Variants in SPAG17 observed in about 807,000 individuals in gnomAD.
The protein encoded by SPAG17 is sperm associated antigen 17.
Under a neutral mutation model 273.6 loss-of-function variants are expected in SPAG17, and 169 were observed. The ratio of observed to expected loss-of-function variants is 0.62; its 90% CI spans 0.55 to 0.70. The LOEUF is 0.70. Ranked by LOEUF, SPAG17 falls within the 30% of genes least tolerant of loss-of-function variation. SPAG17 has a pLI of 0.00. For synonymous variants in SPAG17, 825 were observed against 873.2 expected (o/e 0.94, Z 0.97); for missense variants, 2,557 against 2,627.8 (o/e 0.97, Z 0.59).
At chr1:117,954,131 A>G (rs1651812802) in intron 48 of SPAG17, 82 bp from the exon 49 acceptor site, 2 of 1,555,320 alleles carry the variant, frequency 1.3e-6, no homozygotes, top group African/African-American at 2.8e-5. Flanking sequence ...TTACAGTATC[A>G]ATAAAGGGAA....
At chr1:118,161,318 C>T (rs1659899087) in intron 1 of SPAG17, among the ~76,000 whole-genome samples, 1 of 152,092 alleles carries the variant, frequency 6.6e-6, no homozygotes, top group African/African-American at 2.4e-5. Context: ...AAGTAAAAGG[C>T]AGTGGAGACC....
intron 25 of SPAG17, among the ~76,000 whole-genome samples, chr1:118,029,404 C>T (rs1648164059): frequency 6.6e-6 from 1 of 151,986 alleles, no homozygotes. Context: ...CAAACTAATA[C>T]AGAAAAAGTG....
chr1:118,183,604 G>A (rs1042559251), intron 1 of SPAG17, among the ~76,000 whole-genome samples: 20 of 152,122 alleles, frequency 1.3e-4, no homozygotes, highest in African/African-American at 4.1e-4. Flanking sequence ...TGTTTGAGTA[G>A]GATCAAGAAA....
intron 48 of SPAG17, chr1:117,963,090 A>G (rs796686219): frequency 7.9e-5 from 12 of 152,342 alleles, no homozygotes; most frequent in African/African-American, 2.9e-4. Context: ...GGATCCAAGC[A>G]GCCCTGGTAT....
chr1:118,104,672 A>G (rs1287674010), intron 4 of SPAG17, among the ~76,000 whole-genome samples: 2 of 152,224 alleles, frequency 1.3e-5, no homozygotes, highest in Non-Finnish European at 2.9e-5. Flanking sequence ...AGATAGGGAA[A>G]AATATATAGT....
At chr1:118,061,105 G>A (rs1054219569) in intron 18 of SPAG17, among the ~76,000 whole-genome samples, 7 of 152,156 alleles carry the variant, frequency 4.6e-5, no homozygotes, top group African/African-American at 1.7e-4. Flanking sequence ...TGGTTGGTAG[G>A]AATGTAGAAA....
intron 10 of SPAG17, among the ~76,000 whole-genome samples, chr1:118,090,021 C>T (rs571130626): frequency 1.3e-5 from 2 of 152,230 alleles, no homozygotes; most frequent in South Asian, 4.2e-4. Flanking sequence ...TCCAGCCATG[C>T]GGAACTGTGA....
intron 18 of SPAG17, among the ~76,000 whole-genome samples, chr1:118,059,134 C>G (rs1408468708): frequency 1.3e-5 from 2 of 152,230 alleles, no homozygotes; most frequent in African/African-American, 2.4e-5. Flanking sequence ...ATTAACAAAT[C>G]TAAATAGAGG....
At chr1:118,124,385 G>A (rs1558029761) in intron 3 of SPAG17, among the ~76,000 whole-genome samples, 2 of 152,122 alleles carry the variant, frequency 1.3e-5, no homozygotes, top group East Asian at 3.9e-4. Flanking sequence ...CACAGGGTTT[G>A]TCTCCTCTAC....
chr1:118,021,935 T>C (rs188838150), intron 28 of SPAG17, among the ~76,000 whole-genome samples: 24 of 152,324 alleles, frequency 1.6e-4, no homozygotes, highest in Non-Finnish European at 2.6e-4. Context: ...CTTCTGCTAC[T>C]ACTCAAGGAA....
At chr1:118,042,535 C>A (rs1649889902) in intron 20 of SPAG17, among the ~76,000 whole-genome samples, 1 of 152,156 alleles carries the variant, frequency 6.6e-6, no homozygotes, top group Non-Finnish European at 1.5e-5. Context: ...CTCCTAACCA[C>A]AAGCCTGTCC....
At position 118,055,645 on chromosome 1, in the gene SPAG17, T is replaced by C. The variant is rs113360463; in HGVS notation, c.2722+88A>G. On this transcript the variant is annotated intron_variant, in intron 19 of 48. Coordinates refer to ENST00000336338, the MANE Select transcript of SPAG17 (RefSeq NM_206996.4). ...CTTTTTTGGGTAATTCTTTTTAATA[T>C]TGAAAATATTCACAGTCTTGATTAA... 101 of 1,141,268 alleles carry C rather than the reference T, an allele frequency of 8.8e-5. No individual in the cohort carries two copies. The African/African-American group carries it at 1.2e-3, about 13-fold the overall frequency. 70.7% of individuals were successfully genotyped at this position (1,141,268 alleles called of 1,614,324 possible). A position where few individuals can be genotyped will look rare whatever the true frequency, so the allele number is the denominator to read the frequency against.
intron 18 of SPAG17, among the ~76,000 whole-genome samples, chr1:118,064,652 G>A (rs1652761244): frequency 6.8e-6 from 1 of 147,976 alleles, no homozygotes; most frequent in African/African-American, 2.5e-5. Context: ...CGAGTTAATG[G>A]GTGCAGCACA....
rs185623059 is a variant in SPAG17, at chr1:118,068,807, C to T, written c.2386-1908G>A. ...TTTTTTTGTTGTTGTTAATTAGAGA[C>T]GGGACCTTGCTATGTTGCCCAGGCT... On this transcript the variant is annotated intron_variant, in intron 17 of 48. Transcript: ENST00000336338. Among the ~76,000 whole-genome samples, 170 of 152,192 alleles carry T rather than the reference C, an allele frequency of 1.1e-3. 2 individuals are homozygous for T. Among genetic ancestry groups the T allele is most frequent in the East Asian group, 1.5e-3 (8 of 5,182 alleles).
intron 16 of SPAG17, 97 bp from the exon 17 acceptor site, chr1:118,074,064 A>G (rs553593101): frequency 2.7e-6 from 2 of 748,446 alleles, no homozygotes; most frequent in East Asian, 2.8e-5. Context: ...TACTCCATCT[A>G]ATTGGGGAAA....
intron 18 of SPAG17, among the ~76,000 whole-genome samples, chr1:118,064,473 A>G (rs956066225): frequency 6.6e-6 from 1 of 151,422 alleles, no homozygotes; most frequent in African/African-American, 2.4e-5. Context: ...ATTCTCAGCA[A>G]ACTATCACAA....
In SPAG17 at chr1:118,052,337, A is replaced by T. The variant is rs377070773; in HGVS notation, c.2814+1665T>A. ...AGCACATGATTGCACTTATATGTGG[A>T]ATCTAAAAGAGTTGAACTCACAAAA... On this transcript the variant is annotated intron_variant, in intron 20 of 48. Transcript: ENST00000336338. Among the ~76,000 whole-genome samples, 101 of 151,868 alleles carry T rather than the reference A, an allele frequency of 6.7e-4. 1 individual carries two copies. In the South Asian group the frequency reaches 0.021, roughly 31 times the overall value.
intron 32 of SPAG17, among the ~76,000 whole-genome samples, chr1:118,003,440 C>T (rs1658532356): frequency 6.6e-6 from 1 of 152,170 alleles, no homozygotes; most frequent in Admixed American, 6.5e-5. Flanking sequence ...TCCATTCTCC[C>T]CATCACTTTC....
chr1:117,992,478 C>T lies in SPAG17; in HGVS notation c.5349G>A (p.Gln1783=), dbSNP rs1657206709. Residue 1783 remains glutamine, a synonymous_variant, in exon 36 of 49, where the codon CAG becomes CAA. Coordinates refer to ENST00000336338, the MANE Select transcript of SPAG17 (RefSeq NM_206996.4). The part of the protein sequence containing the change: ...VIKNEVKLRL[Q]VSLKDYINYI... ...TAGATTCCATTACCTTAAGGGAAAC[C>T]TGCAGCCTCAGTTTCACCTCATTCT... is the stretch of plus-strand genomic sequence containing the variant. 1 of 1,609,218 alleles carries T rather than the reference C, an allele frequency of 6.2e-7. No individual in the cohort carries two copies. Among genetic ancestry groups the T allele is most frequent in the African/African-American group, 1.3e-5 (1 of 74,534 alleles).
Sources: allele counts gnomAD v4.1 joint callset (sites outside exome capture counted in the v4.1 genomes callset), GRCh38; gene constraint gnomAD v4.1.1; transcripts MANE v1.5; gene names NCBI Gene and HGNC (gene_info 2026-07-23, HGNC 2026-07-21).